The following CDK5RAP2 variants were observed in gnomAD, a reference collection of about 807,000 sequenced individuals.
The protein encoded by CDK5RAP2 is CDK5 regulatory subunit associated protein 2.
Under a neutral mutation model 232.9 loss-of-function variants are expected in CDK5RAP2, and 147 were observed. That is an observed-to-expected ratio of 0.63 (90% CI 0.55 to 0.72). The LOEUF (loss-of-function observed/expected upper bound fraction) is 0.72. Among genes scored for constraint, CDK5RAP2 ranks in the 30% least tolerant of loss-of-function variants. The probability of loss-of-function intolerance (pLI) is 0.00; values close to 1 mark genes in which losing one functional copy is unlikely to be tolerated. For synonymous variants in CDK5RAP2, 833 were observed against 833.7 expected (o/e 1.00, Z 0.01); for missense variants, 2,195 against 2,231.5 (o/e 0.98, Z 0.33).
At chr9:120,490,789 T>A (rs2038863754) in intron 13 of CDK5RAP2, among the ~76,000 whole-genome samples, 1 of 152,232 alleles carries the variant, frequency 6.6e-6, no homozygotes, top group Non-Finnish European at 1.5e-5. Context: ...GGTTTATACC[T>A]TTTTATTCTT....
intron 27 of CDK5RAP2, among the ~76,000 whole-genome samples, chr9:120,417,219 C>G (rs1289414400): frequency 6.8e-6 from 1 of 146,942 alleles, no homozygotes; most frequent in Non-Finnish European, 1.5e-5. Flanking sequence ...TCCTTAAATT[C>G]CTGGCGCCCA....
At chr9:120,400,309 T>A (rs1442939851) in intron 35 of CDK5RAP2, among the ~76,000 whole-genome samples, 1 of 152,092 alleles carries the variant, frequency 6.6e-6, no homozygotes, top group Non-Finnish European at 1.5e-5. Context: ...TCGATAGGAA[T>A]CAGAAGGTCC....
At position 120,460,737 on chromosome 9, in the gene CDK5RAP2, G is replaced by A. The variant is rs562002425; in HGVS notation, c.2107-70C>T. 57 of 1,594,712 alleles carry A rather than the reference G, an allele frequency of 3.6e-5. No homozygotes were observed. In the South Asian group the frequency reaches 6.3e-4, roughly 18 times the overall value. On this transcript the variant is annotated intron_variant, in intron 18 of 37. Transcript: ENST00000349780. ...GTGCAGCATGAATATGTATGAATAAGTCAGTGATGTCTTTTTTTTTTTAAT... is the reference window on the plus strand; with the variant it reads ...GTGCAGCATGAATATGTATGAATAAATCAGTGATGTCTTTTTTTTTTTAAT...
intron 13 of CDK5RAP2, among the ~76,000 whole-genome samples, 193 bp from the exon 14 acceptor site, chr9:120,487,630 T>C (rs2038684181): frequency 6.6e-6 from 1 of 152,242 alleles, no homozygotes; most frequent in Admixed American, 6.5e-5. Flanking sequence ...CTATTACAAC[T>C]TGCAGAATAG....
intron 11 of CDK5RAP2, among the ~76,000 whole-genome samples, chr9:120,522,144 A>C (rs2040695470): frequency 6.6e-6 from 1 of 152,210 alleles, no homozygotes. Flanking sequence ...CACAGAGCTA[A>C]ATATGCACAC....
rs749266158 is a variant in CDK5RAP2 at position 120,439,893 on chromosome 9, A to T, written c.3228T>A (p.Thr1076=). 1 of 1,614,200 alleles carries T rather than the reference A, an allele frequency of 6.2e-7. No homozygotes were observed. The change falls in exon 24 of 38, where the codon ACT becomes ACA. Residue 1076 remains threonine, a synonymous_variant. Transcript: ENST00000349780. ...TGGAACTCAGGTAAGTAGCTACTGA[A>T]GTTGGGCTCAGAACATCTTCAGGAT... ...KENPEDVLSP[T]SVATYLSSKS...
At position 120,487,414 on chromosome 9, in the gene CDK5RAP2, T is replaced by C; in HGVS notation, c.1506A>G (p.Glu502=). 6.2e-7 allele frequency: 1 copy of C among 1,608,434 alleles called. No individual in the cohort carries two copies. The part of the protein sequence containing the change: ...LLQKFNEKDL[E]VIQQNCYLMA... ...TTAAATAGCAGTTCTGCTGTATTAC[T>C]TCCAAATCTTTTTCATTGAATTTCT... Residue 502 remains glutamate, a synonymous_variant, in exon 14 of 38, where the codon GAA becomes GAG. Coordinates refer to ENST00000349780, the MANE Select transcript of CDK5RAP2 (RefSeq NM_018249.6).
intron 7 of CDK5RAP2, among the ~76,000 whole-genome samples, chr9:120,535,128 T>G (rs2041328353): frequency 6.6e-6 from 1 of 152,230 alleles, no homozygotes; most frequent in South Asian, 2.1e-4. Flanking sequence ...CTCACTCACC[T>G]TGAAATTATT....
intron 2 of CDK5RAP2, among the ~76,000 whole-genome samples, chr9:120,569,179 T>A (rs2042756700): frequency 6.6e-6 from 1 of 152,202 alleles, no homozygotes; most frequent in South Asian, 2.1e-4. Context: ...TGGCACTTTG[T>A]AGGTGTTCAG....
At chr9:120,460,342 A>ATT (rs752416279) in intron 19 of CDK5RAP2, among the ~76,000 whole-genome samples, 3 of 152,238 alleles carry the variant, frequency 2.0e-5, no homozygotes, top group Non-Finnish European at 4.4e-5. Context: ...TAACAAGCCC[A>ATT]TTTTTATTTG....
At chr9:120,558,010 C>T (rs2042301835) in intron 3 of CDK5RAP2, among the ~76,000 whole-genome samples, 1 of 147,956 alleles carries the variant, frequency 6.8e-6, no homozygotes, top group African/African-American at 2.5e-5. Context: ...AGGTGATTTG[C>T]CCACCTCGGC....
rs1489733360 is a variant in CDK5RAP2, at chr9:120,580,084, A to G, written c.-106T>C. On this transcript the variant is annotated 5_prime_UTR_variant, in exon 1 of 38. Transcript: ENST00000349780. ...CCCAGGTCCCCGCCCCCTCCACCCC[A>G]GCTCTTGTTCAGACTCTGGCGGCGC... 5.7e-6 allele frequency: 4 copies of G among 698,360 alleles called. No individual in the cohort carries two copies. The highest frequency in any genetic ancestry group is 1.0e-5 in the Non-Finnish European group (4 of 387,054). 43.3% of individuals were successfully genotyped at this position (698,360 alleles called of 1,614,324 possible). A position where few individuals can be genotyped will look rare whatever the true frequency, so the allele number is the denominator to read the frequency against.
chr9:120,472,416 C>G (rs2037763443), intron 15 of CDK5RAP2, among the ~76,000 whole-genome samples: 1 of 152,064 alleles, frequency 6.6e-6, no homozygotes. Flanking sequence ...AAGGGAGGCT[C>G]CCCAGGGCCT....
intron 1 of CDK5RAP2, among the ~76,000 whole-genome samples, chr9:120,573,105 T>C (rs1307849817): frequency 6.6e-6 from 1 of 152,258 alleles, no homozygotes; most frequent in Non-Finnish European, 1.5e-5. Flanking sequence ...CAATTTGCTC[T>C]TTCCATGCCT....
intron 25 of CDK5RAP2, among the ~76,000 whole-genome samples, chr9:120,424,619 C>A (rs549396370): frequency 2.0e-5 from 3 of 152,102 alleles, no homozygotes. Context: ...GCCAGCCCAG[C>A]CTTCCAAAAA....
intron 12 of CDK5RAP2, among the ~76,000 whole-genome samples, chr9:120,515,084 G>A (rs1180625612): frequency 6.6e-6 from 1 of 151,806 alleles, no homozygotes; most frequent in Non-Finnish European, 1.5e-5. Flanking sequence ...GAGAGACAGA[G>A]TGTGTGTGTG....
At chr9:120,414,261 C>T (rs765903308) in intron 28 of CDK5RAP2, among the ~76,000 whole-genome samples, 15 of 152,138 alleles carry the variant, frequency 9.9e-5, no homozygotes, top group Non-Finnish European at 1.9e-4. Flanking sequence ...TATTGCTCAA[C>T]GTCACAAAGC....
At chr9:120,486,609 G>C (rs565762251) in intron 14 of CDK5RAP2, among the ~76,000 whole-genome samples, 2 of 152,228 alleles carry the variant, frequency 1.3e-5, no homozygotes, top group South Asian at 4.2e-4. Flanking sequence ...GAGCCCAGGT[G>C]AGAGGAAGCG....
At chr9:120,563,489 A>G (rs1233780979) in intron 3 of CDK5RAP2, among the ~76,000 whole-genome samples, 1 of 152,222 alleles carries the variant, frequency 6.6e-6, no homozygotes, top group African/African-American at 2.4e-5. Context: ...TTTGGATTAG[A>G]GCAGACAGAC....
Sources: allele counts gnomAD v4.1 joint callset (sites outside exome capture counted in the v4.1 genomes callset), GRCh38; gene constraint gnomAD v4.1.1; transcripts MANE v1.5; gene names NCBI Gene and HGNC (gene_info 2026-07-23, HGNC 2026-07-21).